DLC1: variants seen among roughly 807,000 people sequenced by gnomAD.
DLC1 encodes the protein rho GTPase-activating protein 7.
In DLC1, 54 loss-of-function variants were observed where a neutral mutation model predicts 140.3. That is an observed-to-expected ratio of 0.38 (90% CI 0.31 to 0.48). The LOEUF (loss-of-function observed/expected upper bound fraction) is 0.48. DLC1 is among the 20% of genes least tolerant of loss of function. The pLI is 0.96. For missense variants in DLC1, 2,536 were observed against 1,907.0 expected, an observed-to-expected ratio of 1.33 and a Z score of -6.14; for synonymous variants, 986 against 728.1, an observed-to-expected ratio of 1.35 and a Z score of -5.70.
intron 5 of DLC1, among the ~76,000 whole-genome samples, chr8:13,132,294 A>G (rs113423300): frequency 6.6e-5 from 10 of 151,436 alleles, no homozygotes; most frequent in African/African-American, 1.2e-4. Context: ...AACTACCCCA[A>G]CACTCTCCAG....
At chr8:13,591,410 T>G (rs1248453871) in intron 1 of DLC1, among the ~76,000 whole-genome samples, 2 of 152,080 alleles carry the variant, frequency 1.3e-5, no homozygotes, top group African/African-American at 2.4e-5. Flanking sequence ...TTTACAAGCA[T>G]CTGGCATTTC....
At chr8:13,167,944 C>T (rs1040610050) in intron 5 of DLC1, among the ~76,000 whole-genome samples, 6 of 152,112 alleles carry the variant, frequency 3.9e-5, no homozygotes, top group Non-Finnish European at 8.8e-5. Flanking sequence ...CACCAAGTAC[C>T]ATTTATTAAT....
intron 2 of DLC1, among the ~76,000 whole-genome samples, chr8:13,403,555 C>T (rs1409164302): frequency 1.3e-5 from 2 of 152,094 alleles, no homozygotes; most frequent in Non-Finnish European, 2.9e-5. Flanking sequence ...CTTTGTGTAA[C>T]GGAGGCCTCT....
chr8:13,521,115 G>A (rs1802752522), intron 1 of DLC1, among the ~76,000 whole-genome samples: 1 of 152,114 alleles, frequency 6.6e-6, no homozygotes, highest in African/African-American at 2.4e-5. Context: ...CATGGATGGA[G>A]CTGGAAGCCA....
rs550854939 is a variant in DLC1, at chr8:13,475,588, A to T, written c.1023+23461T>A. On this transcript the variant is annotated intron_variant, in intron 2 of 17. Coordinates refer to ENST00000276297, the MANE Select transcript of DLC1 (RefSeq NM_182643.3). ...GAAAATATAGATTATAAACAGTAGT[A>T]GTTTCACAACGAAAAGAAAGACATA... 2.0e-5 allele frequency among the ~76,000 whole-genome samples: 3 copies of T among 152,360 alleles called. No homozygotes were observed. In the South Asian group the frequency reaches 6.2e-4, roughly 32 times the overall value.
chr8:13,508,560 G>T (rs1366253507), intron 1 of DLC1, among the ~76,000 whole-genome samples: 3 of 151,926 alleles, frequency 2.0e-5, no homozygotes, highest in East Asian at 3.9e-4. Flanking sequence ...TGGGACTACA[G>T]GTGCCCATCA....
intron 1 of DLC1, among the ~76,000 whole-genome samples, chr8:13,554,911 A>T (rs559218284): frequency 6.6e-6 from 1 of 152,192 alleles, no homozygotes; most frequent in African/African-American, 2.4e-5. Context: ...GCCCTACATG[A>T]TTGGGTTTTC....
At chr8:13,174,288 T>C (rs1237800603) in intron 5 of DLC1, among the ~76,000 whole-genome samples, 1 of 152,242 alleles carries the variant, frequency 6.6e-6, no homozygotes, top group Non-Finnish European at 1.5e-5. Context: ...AGGTTGATTC[T>C]ATGTCTTTGC....
intron 5 of DLC1, among the ~76,000 whole-genome samples, chr8:13,236,734 C>T (rs2117221820): frequency 6.6e-6 from 1 of 152,028 alleles, no homozygotes; most frequent in African/African-American, 2.4e-5. Flanking sequence ...GTAATGATTC[C>T]AACTTTTTAT....
intron 1 of DLC1, among the ~76,000 whole-genome samples, chr8:13,523,986 G>A (rs1802839697): frequency 6.6e-6 from 1 of 151,770 alleles, no homozygotes; most frequent in Non-Finnish European, 1.5e-5. Context: ...GGGATCTAAT[G>A]CAAAGGGACT....
intron 3 of DLC1, among the ~76,000 whole-genome samples, 187 bp from the exon 4 acceptor site, chr8:13,393,880 A>T (rs1247765760): frequency 1.3e-5 from 2 of 152,232 alleles, no homozygotes; most frequent in East Asian, 3.8e-4. Context: ...CATTGTACTC[A>T]TCAGAGGGTC....
chr8:13,521,346 G>A (rs1802759689), intron 1 of DLC1, among the ~76,000 whole-genome samples: 1 of 151,736 alleles, frequency 6.6e-6, no homozygotes, highest in Non-Finnish European at 1.5e-5. Context: ...AAACCACCGT[G>A]GCACACATTT....
chr8:13,123,444 G>A (rs183472437), intron 5 of DLC1, among the ~76,000 whole-genome samples: 1,588 of 151,272 alleles, frequency 0.01, 28 homozygotes, highest in African/African-American at 0.036. Context: ...AGGTTCAAGC[G>A]ATTCTCCTGC....
chr8:13,246,130 G>A (rs779112571), intron 5 of DLC1, among the ~76,000 whole-genome samples: 2 of 152,170 alleles, frequency 1.3e-5, no homozygotes, highest in Non-Finnish European at 2.9e-5. Flanking sequence ...GACTTAGAGA[G>A]TCCAGCAACA....
rs182414654 is a variant in DLC1 at position 13,196,713 on chromosome 8, G to T, written c.1349-81056C>A. The stretch of plus-strand genomic sequence containing the variant: ...TGCTTATTATCCTTCGGGGCTAAGA[G>T]AACATCTCATTTATGTCACGAGAGT... On this transcript the variant is annotated intron_variant, in intron 5 of 17. Transcript: ENST00000276297. 3.5e-4 allele frequency among the ~76,000 whole-genome samples: 53 copies of T among 152,328 alleles called. No homozygotes were observed. In the East Asian group the frequency reaches 8.1e-3, roughly 23 times the overall value.
At chr8:13,165,757 TGA>T (rs1366033022) in intron 5 of DLC1, among the ~76,000 whole-genome samples, 5 of 152,296 alleles carry the variant, frequency 3.3e-5, no homozygotes, top group Admixed American at 2.0e-4. Context: ...CGACCACACA[TGA>T]GTGGCAATGA....
At chr8:13,367,687 A>G (rs1171716080) in intron 4 of DLC1, among the ~76,000 whole-genome samples, 2 of 152,192 alleles carry the variant, frequency 1.3e-5, no homozygotes, top group African/African-American at 4.8e-5. Context: ...AATACTCTGT[A>G]GTAGAAGTGA....
intron 2 of DLC1, among the ~76,000 whole-genome samples, chr8:13,416,506 G>T (rs1838066978): frequency 6.6e-6 from 1 of 152,088 alleles, no homozygotes; most frequent in Non-Finnish European, 1.5e-5. Context: ...CAGGATGGTG[G>T]TTACCTATGA....
intron 5 of DLC1, among the ~76,000 whole-genome samples, chr8:13,182,931 T>C (rs1385614156): frequency 2.0e-5 from 3 of 152,224 alleles, no homozygotes; most frequent in Non-Finnish European, 4.4e-5. Flanking sequence ...TTTCAGGATA[T>C]TGATTCTTCC....
Sources: gnomAD v4.1 joint callset for allele counts (sites outside exome capture counted in the v4.1 genomes callset) on GRCh38, gnomAD v4.1.1 for gene constraint, MANE v1.5 for transcripts, NCBI Gene and HGNC (gene_info 2026-07-23, HGNC 2026-07-21) for gene names.